The following NRP1 variants were observed in gnomAD, a reference collection of about 807,000 sequenced individuals.
NRP1 encodes the protein neuropilin-1.
In NRP1, 35 loss-of-function variants were observed where a neutral mutation model predicts 106.7. That is an observed-to-expected ratio of 0.33 (90% confidence interval 0.25 to 0.43). The LOEUF is 0.43. Among genes scored for constraint, NRP1 ranks in the 20% least tolerant of loss-of-function variants. NRP1 has a pLI of 1.00. For missense variants in NRP1, 1,024 were observed against 1,170.4 expected (o/e 0.87, Z 1.83); for synonymous variants, 437 against 417.9 (o/e 1.05, Z -0.56).
intron 10 of NRP1, among the ~76,000 whole-genome samples, chr10:33,203,777 A>G (rs1327892992): frequency 1.5e-5 from 1 of 65,120 alleles, no homozygotes; most frequent in Non-Finnish European, 3.0e-5. Flanking sequence ...TCTGTCGCCC[A>G]GGCCGGACTG....
intron 8 of NRP1, among the ~76,000 whole-genome samples, chr10:33,216,240 C>T (rs936523986): frequency 6.6e-6 from 1 of 151,310 alleles, no homozygotes; most frequent in Admixed American, 6.6e-5. Flanking sequence ...CGGGTTCACG[C>T]CATTCTCCTG....
At chr10:33,210,719 G>A (rs1838234977) in intron 9 of NRP1, among the ~76,000 whole-genome samples, 1 of 152,176 alleles carries the variant, frequency 6.6e-6, no homozygotes, top group South Asian at 2.1e-4. Flanking sequence ...AGTGAGGAAA[G>A]GGCATTGAAA....
At chr10:33,273,151 AGTT>A (rs1320404153) in intron 2 of NRP1, among the ~76,000 whole-genome samples, 2 of 151,990 alleles carry the variant, frequency 1.3e-5, no homozygotes, top group Admixed American at 1.3e-4. Flanking sequence ...GTCATTGCAC[AGTT>A]AAGTGCCAAT....
chr10:33,206,913 G>T (rs1045116681), intron 10 of NRP1, among the ~76,000 whole-genome samples: 3 of 152,218 alleles, frequency 2.0e-5, no homozygotes, highest in Non-Finnish European at 4.4e-5. Context: ...AATAATCTAA[G>T]TGTAGGCAGT....
intron 10 of NRP1, chr10:33,206,127 G>GT (rs1837756252): frequency 2.1e-6 from 1 of 486,800 alleles, no homozygotes; most frequent in Admixed American, 2.1e-5. Flanking sequence ...CCACCAGGCT[G>GT]TCTTTTCAAT....
chr10:33,274,994 G>T (rs760118577), intron 2 of NRP1, among the ~76,000 whole-genome samples: 4 of 152,076 alleles, frequency 2.6e-5, no homozygotes, highest in African/African-American at 9.7e-5. Flanking sequence ...ATTAACTTAC[G>T]TATCCCACAA....
At chr10:33,298,902 A>G (rs1845604825) in intron 2 of NRP1, among the ~76,000 whole-genome samples, 1 of 152,058 alleles carries the variant, frequency 6.6e-6, no homozygotes, top group African/African-American at 2.4e-5. Context: ...TCTTCCCACT[A>G]ATCAAAATAC....
chr10:33,313,079 T>A (rs539465900), intron 2 of NRP1, among the ~76,000 whole-genome samples: 95 of 152,368 alleles, frequency 6.2e-4, no homozygotes, highest in Non-Finnish European at 9.6e-4. Flanking sequence ...AAGACCACAT[T>A]CTCAGTTCTT....
chr10:33,182,651 A>C, intron 16 of NRP1, 47 bp downstream of exon 16: 3 of 1,292,818 alleles, frequency 2.3e-6, no homozygotes, highest in Non-Finnish European at 2.2e-6. Context: ...AACACAATGA[A>C]AGCCATAGTA....
At chr10:33,205,192 G>C (rs922677280) in intron 10 of NRP1, among the ~76,000 whole-genome samples, 1 of 152,222 alleles carries the variant, frequency 6.6e-6, no homozygotes, top group African/African-American at 2.4e-5. Flanking sequence ...ACTGATTGAA[G>C]GGAGAAGAAA....
rs1478416024 is a variant in NRP1, at chr10:33,256,343, T to C, written c.787A>G (p.Ser263Gly). The C allele has an allele frequency of 3.7e-6, 6 of 1,614,180 alleles. No individual in the cohort carries two copies. Among genetic ancestry groups the C allele is most frequent in the East Asian group, 2.2e-5 (1 of 44,884 alleles). ...TCTGAGACACTGCTCTGCAAGACAC[T>C]GTAGTTTGCTGAGAAACCTTCTTTT... ...IAKEGFSANY[S>G]VLQSSVSEDF... is the part of the protein sequence containing the mutation. The change falls in exon 5 of 17, where the codon AGT becomes GGT. Residue 263 changes from serine to glycine, a missense_variant. By Grantham distance (56) the Ser-to-Gly change is moderately conservative. Coordinates refer to ENST00000374867, the MANE Select transcript of NRP1 (RefSeq NM_003873.7).
intron 10 of NRP1, chr10:33,206,426 G>A (rs1193449266): frequency 4.5e-6 from 2 of 447,640 alleles, no homozygotes; most frequent in African/African-American, 4.0e-5. Flanking sequence ...AGGAGAAAAT[G>A]GCCTGCTTTT....
chr10:33,184,390 C>G (rs1219605571), intron 15 of NRP1, among the ~76,000 whole-genome samples: 2 of 152,156 alleles, frequency 1.3e-5, no homozygotes, highest in African/African-American at 4.8e-5. Context: ...CTTGTTGAAC[C>G]GAATTGAATT....
intron 2 of NRP1, among the ~76,000 whole-genome samples, chr10:33,274,620 C>T (rs1270197338): frequency 2.6e-5 from 4 of 152,272 alleles, no homozygotes; most frequent in Middle Eastern, 3.4e-3. Flanking sequence ...TGACCCCTGA[C>T]TCTCTACAGT....
At chr10:33,311,649 G>A (rs556926319) in intron 2 of NRP1, among the ~76,000 whole-genome samples, 2 of 152,276 alleles carry the variant, frequency 1.3e-5, no homozygotes, top group South Asian at 4.1e-4. Context: ...GAAGTTTTCA[G>A]AAGAAGAATT....
intron 9 of NRP1, among the ~76,000 whole-genome samples, chr10:33,210,444 A>G (rs1564384713): frequency 6.6e-6 from 1 of 152,214 alleles, no homozygotes; most frequent in Non-Finnish European, 1.5e-5. Flanking sequence ...CTTCATTTTA[A>G]CTTGAGCAAA....
intron 2 of NRP1, among the ~76,000 whole-genome samples, chr10:33,304,958 G>C (rs1846045071): frequency 6.6e-6 from 1 of 152,244 alleles, no homozygotes; most frequent in Non-Finnish European, 1.5e-5. Context: ...AATGTAAACA[G>C]TCCAATCGAT....
At chr10:33,221,373 A>G (rs1408391899) in intron 8 of NRP1, among the ~76,000 whole-genome samples, 1 of 152,254 alleles carries the variant, frequency 6.6e-6, no homozygotes, top group African/African-American at 2.4e-5. Context: ...AGGTACCAGT[A>G]AACAAGCACC....
intron 2 of NRP1, among the ~76,000 whole-genome samples, chr10:33,317,003 T>A (rs746469689): frequency 2.0e-5 from 3 of 152,086 alleles, no homozygotes; most frequent in Non-Finnish European, 4.4e-5. Context: ...CAGAGATATA[T>A]GAAATGTTTG....
Sources: gnomAD v4.1 joint callset for allele counts (sites outside exome capture counted in the v4.1 genomes callset) on GRCh38, gnomAD v4.1.1 for gene constraint, MANE v1.5 for transcripts, NCBI Gene and HGNC (gene_info 2026-07-23, HGNC 2026-07-21) for gene names.